The following KDM4B variants were observed in gnomAD, a reference collection of about 807,000 sequenced individuals.
KDM4B encodes lysine-specific demethylase 4B.
Under a neutral mutation model 125.2 loss-of-function variants are expected in KDM4B, and 32 were observed. That is an observed-to-expected ratio of 0.26 (90% CI 0.19 to 0.34). The LOEUF (loss-of-function observed/expected upper bound fraction) is 0.34. Ranked by LOEUF, KDM4B falls within the 10% of genes least tolerant of loss-of-function variation. The probability of loss-of-function intolerance (pLI) is 1.00; values close to 1 mark genes in which losing one functional copy is unlikely to be tolerated. For synonymous variants in KDM4B, 721 were observed against 677.9 expected, an observed-to-expected ratio of 1.06 and a Z score of -0.99; for missense variants, 1,190 against 1,577.7, an observed-to-expected ratio of 0.75 and a Z score of 4.16.
chr19:5,113,620 A>G (rs2039195326), intron 10 of KDM4B, among the ~76,000 whole-genome samples: 1 of 152,162 alleles, frequency 6.6e-6, no homozygotes, highest in Non-Finnish European at 1.5e-5. Flanking sequence ...GCTTGTGGAC[A>G]CAGGCGGGAT....
intron 3 of KDM4B, among the ~76,000 whole-genome samples, chr19:5,036,716 C>T (rs1389253806): frequency 1.3e-5 from 2 of 152,378 alleles, no homozygotes; most frequent in Non-Finnish European, 2.9e-5. Context: ...CTGGAAGACC[C>T]GAGTGTGGCA....
chr19:5,107,859 C>T (rs1418066475), intron 9 of KDM4B, among the ~76,000 whole-genome samples: 1 of 152,232 alleles, frequency 6.6e-6, no homozygotes, highest in African/African-American at 2.4e-5. Context: ...TGCTTCCCTC[C>T]CTGTGACCCA....
At chr19:5,102,507 C>A (rs2038956330) in intron 9 of KDM4B, among the ~76,000 whole-genome samples, 2 of 152,138 alleles carry the variant, frequency 1.3e-5, no homozygotes, top group African/African-American at 2.4e-5. Context: ...GAGCTGGACA[C>A]CCCTGGGAAG....
At chr19:4,986,150 G>A (rs113684929) in intron 1 of KDM4B, among the ~76,000 whole-genome samples, 2 of 152,240 alleles carry the variant, frequency 1.3e-5, no homozygotes, top group African/African-American at 4.8e-5. Context: ...CGTGGGGGCT[G>A]TGATGGGGTC....
rs749754624 is a variant in KDM4B, at chr19:5,114,436, C to T, written c.1115+3618C>T. The T allele has an allele frequency of 7.2e-4, 295 of 408,198 alleles. 2 individuals carry two copies. Among genetic ancestry groups the T allele is most frequent in the Middle Eastern group, 2.2e-3 (6 of 2,742 alleles). 25.3% of individuals were successfully genotyped at this position (408,198 alleles called of 1,614,324 possible). A position where few individuals can be genotyped will look rare whatever the true frequency, so the allele number is the denominator to read the frequency against. On this transcript the variant is annotated intron_variant, in intron 10 of 22. Coordinates refer to ENST00000159111, the MANE Select transcript of KDM4B (RefSeq NM_015015.3). The surrounding 1 kb of genome is among the most constrained non-coding windows in gnomAD (Gnocchi z 5.8). ...GCCCCGACTCCTGCCAGGGCTGCCACGGCTGCCACACCCCAGCTGCATTCC... is the reference window on the plus strand; with the variant it reads ...GCCCCGACTCCTGCCAGGGCTGCCATGGCTGCCACACCCCAGCTGCATTCC...
chr19:5,003,412 C>A (rs113608726), intron 1 of KDM4B, among the ~76,000 whole-genome samples: 8 of 151,812 alleles, frequency 5.3e-5, no homozygotes, highest in African/African-American at 1.9e-4. Flanking sequence ...ACCCAGGAGG[C>A]GGAGGTTGTG....
chr19:4,985,584 G>A (rs2034799109), intron 1 of KDM4B, among the ~76,000 whole-genome samples: 1 of 152,270 alleles, frequency 6.6e-6, no homozygotes, highest in Non-Finnish European at 1.5e-5. Context: ...TGGGAGGCTT[G>A]GAGCCCGAGG....
intron 21 of KDM4B, among the ~76,000 whole-genome samples, chr19:5,149,456 C>T (rs189903458): frequency 5.9e-5 from 9 of 152,318 alleles, no homozygotes; most frequent in East Asian, 1.9e-4. Context: ...AGGCACATGC[C>T]ACCATGCCTG....
chr19:5,042,598 A>G (rs1252310533), intron 5 of KDM4B, among the ~76,000 whole-genome samples: 1 of 152,026 alleles, frequency 6.6e-6, no homozygotes, highest in Non-Finnish European at 1.5e-5. Context: ...TGCAAGAAAC[A>G]TGGCTTGGGA....
chr19:4,982,919 A>G (rs2034695375), intron 1 of KDM4B, among the ~76,000 whole-genome samples: 4 of 152,078 alleles, frequency 2.6e-5, no homozygotes, highest in Admixed American at 2.0e-4. Flanking sequence ...CCTAAAAGTG[A>G]TGTATGTTTT....
Position 5,146,939 on chromosome 19 carries a change from C to CAAAAAAAAA in KDM4B, c.3021+2052_3021+2060dup, listed in dbSNP as rs1182135277. Among the ~76,000 whole-genome samples the CAAAAAAAAA allele has an allele frequency of 7.1e-3, 428 of 60,268 alleles. 3 individuals are homozygous for CAAAAAAAAA. The highest frequency in any genetic ancestry group is 0.011 in the African/African-American group (152 of 14,156). The allele number at this position is 60,268 out of a possible 152,430, so 39.5% of individuals were successfully genotyped here. ...TTGGGTGACACTGAGACCCTGTCTC[C>CAAAAAAAAA]AAAAAAAAAAAAAAAAAAAAAAACA... On this transcript the variant is annotated intron_variant, in intron 21 of 22. Coordinates refer to ENST00000159111, the MANE Select transcript of KDM4B (RefSeq NM_015015.3).
rs2038492160 is a variant in KDM4B, at chr19:5,086,259, C to G, written c.918+3755C>G. ...TCAGGAGCTGACAGGTGAAAAGCCACCCTCCTGCCCTGGCCGGGCCCTGTG... is the reference window on the plus strand; with the variant it reads ...TCAGGAGCTGACAGGTGAAAAGCCAGCCTCCTGCCCTGGCCGGGCCCTGTG... On this transcript the variant is annotated intron_variant, in intron 9 of 22. Transcript: ENST00000159111. 4.6e-5 allele frequency among the ~76,000 whole-genome samples: 7 copies of G among 151,284 alleles called. No homozygotes were observed. In the South Asian group the frequency reaches 1.5e-3, roughly 32 times the overall value.
intron 2 of KDM4B, among the ~76,000 whole-genome samples, chr19:5,018,453 G>C (rs912537188): frequency 6.6e-6 from 1 of 152,228 alleles, no homozygotes; most frequent in Non-Finnish European, 1.5e-5. Context: ...CAGGGCTCCT[G>C]CTTCCGAAGG....
intron 9 of KDM4B, among the ~76,000 whole-genome samples, chr19:5,101,727 G>A (rs947338444): frequency 6.8e-6 from 1 of 146,628 alleles, no homozygotes; most frequent in South Asian, 2.3e-4. Context: ...CGGGTGGGCT[G>A]TGGATGCAGG....
At chr19:5,139,204 G>A (rs1270388947) in intron 18 of KDM4B, among the ~76,000 whole-genome samples, 1 of 152,176 alleles carries the variant, frequency 6.6e-6, no homozygotes, top group African/African-American at 2.4e-5. Context: ...TTACAGGCGC[G>A]AGTGGTGTCT....
At chr19:5,144,966 A>G in intron 21 of KDM4B, 64 bp downstream of exon 21, 1 of 1,604,336 alleles carries the variant, frequency 6.2e-7, no homozygotes. Flanking sequence ...GTGCGGGGAC[A>G]GGAGGATCAC....
intron 9 of KDM4B, among the ~76,000 whole-genome samples, chr19:5,093,733 GC>G (rs1456791055): frequency 6.6e-6 from 1 of 152,132 alleles, no homozygotes; most frequent in Admixed American, 6.5e-5. Flanking sequence ...ACCGCCACTC[GC>G]CCCGGTTGGT....
chr19:5,047,461 T>C lies in KDM4B; in HGVS notation c.433-15T>C. ...GTGGCCGGGCGGTTGCCGACGCTGC[T>C]CTGCCGCCCCACAGGACGTGGCCCA... On this transcript the variant is annotated splice_polypyrimidine_tract_variant and intron_variant, in intron 5 of 22. Transcript: ENST00000159111. 6.3e-7 allele frequency: 1 copy of C among 1,588,322 alleles called. No individual in the cohort carries two copies. Among genetic ancestry groups the C allele is most frequent in the Admixed American group, 1.7e-5 (1 of 57,586 alleles).
At chr19:4,999,123 T>C (rs2035291155) in intron 1 of KDM4B, among the ~76,000 whole-genome samples, 2 of 152,222 alleles carry the variant, frequency 1.3e-5, no homozygotes, top group South Asian at 4.1e-4. Context: ...ATGGTGGTTG[T>C]CTAGTCCTGT....
Sources: gnomAD v4.1 joint callset for allele counts (sites outside exome capture counted in the v4.1 genomes callset) on GRCh38, gnomAD v4.1.1 for gene constraint, Gnocchi (gnomAD v3.1) non-coding constraint, MANE v1.5 for transcripts, NCBI Gene and HGNC (gene_info 2026-07-23, HGNC 2026-07-21) for gene names.